Variants in EMILIN3 observed in about 807,000 individuals in gnomAD.
The protein encoded by EMILIN3 is elastin microfibril interfacer 3, also known as EMILIN-3.
Under a neutral mutation model 42.8 loss-of-function variants are expected in EMILIN3, and 38 were observed. The ratio of observed to expected loss-of-function variants is 0.89; its 90% CI spans 0.69 to 1.16. EMILIN3 has a LOEUF of 1.16. Ranked by LOEUF, EMILIN3 falls within the 50% of genes most tolerant of loss-of-function variation. EMILIN3 has a pLI of 0.00. For missense variants in EMILIN3, 924 were observed against 999.5 expected (o/e 0.92, Z 1.02); for synonymous variants, 430 against 440.5 (o/e 0.98, Z 0.30).
At chr20:41,364,155 C>T (rs2046382385) in intron 2 of EMILIN3, among the ~76,000 whole-genome samples, 1 of 152,074 alleles carries the variant, frequency 6.6e-6, no homozygotes, top group Admixed American at 6.5e-5. Flanking sequence ...CCACTTGGAC[C>T]CCCTCTAGCT....
rs141515546 is a variant in EMILIN3 at position 41,361,184 on chromosome 20, G to A, written c.*84C>T. On this transcript the variant is annotated 3_prime_UTR_variant, in exon 4 of 4. Coordinates refer to ENST00000332312, the MANE Select transcript of EMILIN3 (RefSeq NM_052846.2). Reference sequence around the variant, plus strand: ...CATTTGGGCTAGCCAGGGAAGGCTGGAAGGCGCTGCTGGATAAGGCTGGGC... The same window carrying A: ...CATTTGGGCTAGCCAGGGAAGGCTGAAAGGCGCTGCTGGATAAGGCTGGGC... The A allele has an allele frequency of 6.7e-6, 9 of 1,350,438 alleles. No individual in the cohort carries two copies. The African/African-American group carries it at 1.3e-4, about 20-fold the overall frequency. The allele number at this position is 1,350,438 out of a possible 1,614,324, so 83.7% of individuals were successfully genotyped here. A position where few individuals can be genotyped will look rare whatever the true frequency, so the allele number is the denominator to read the frequency against.
chr20:41,361,942 G>A lies in EMILIN3; in HGVS notation c.1627C>T (p.Arg543Trp), dbSNP rs139770210. Residue 543 changes from arginine (R) to tryptophan (W), a missense_variant, in exon 4 of 4, where the codon CGG becomes TGG. Physicochemically the swap from Arg to Trp is moderately radical, Grantham distance 101 (BLOSUM62 -3). Transcript: ENST00000332312. ...ACCTGGCGTAGGAGGGCCTCGCTCC[G>A]GCTCTGCCAGGCCTTCACCTCTGCC... is the stretch of plus-strand genomic sequence containing the variant. ...LVAEVKAWQS[R>W]SEALLRQVAS... The A allele has an allele frequency of 3.7e-5, 59 of 1,612,678 alleles. No homozygotes were observed. Among genetic ancestry groups the A allele is most frequent in the East Asian group, 1.8e-4 (8 of 44,860 alleles).
chr20:41,361,449 G>A lies in EMILIN3; in HGVS notation c.2120C>T (p.Ala707Val). Reference sequence around the variant, plus strand: ...AGTGGGCAAGCTGTCCAGGCCCGCGGCCAGCAGGCCCAGCCTCCTGCACGC... The same window carrying A: ...AGTGGGCAAGCTGTCCAGGCCCGCGACCAGCAGGCCCAGCCTCCTGCACGC... ...EGACRRLGLL[A>V]AGLDSLPTEP... is the part of the protein sequence containing the mutation. The change falls in exon 4 of 4, where the codon GCC (alanine) becomes GTC (valine). Residue 707 changes from alanine to valine, a missense_variant. Coordinates refer to ENST00000332312, the MANE Select transcript of EMILIN3 (RefSeq NM_052846.2). 6.2e-7 allele frequency: 1 copy of A among 1,606,376 alleles called. No individual in the cohort carries two copies. The highest frequency in any genetic ancestry group is 8.5e-7 in the Non-Finnish European group (1 of 1,175,550).
rs1209905535 is a variant in EMILIN3, at chr20:41,361,843, T to A, written c.1726A>T (p.Thr576Ser). ...AEVQGQLAEG[T>S]GSSLQGEITL... Reference sequence around the variant, plus strand: ...ATCTCGCCTTGAAGTGAGCTGCCCGTCCCTTCTGCCAGCTGTCCCTGGACC... The same window carrying A: ...ATCTCGCCTTGAAGTGAGCTGCCCGACCCTTCTGCCAGCTGTCCCTGGACC... Residue 576 changes from threonine to serine, a missense_variant, in exon 4 of 4, where the codon ACG (threonine) becomes TCG (serine). Transcript: ENST00000332312. The A allele has an allele frequency of 1.9e-6, 3 of 1,613,534 alleles. No individual in the cohort carries two copies. The highest frequency in any genetic ancestry group is 2.5e-6 in the Non-Finnish European group (3 of 1,180,036).
chr20:41,361,741 C>T lies in EMILIN3; in HGVS notation c.1828G>A (p.Asp610Asn). 1 of 1,613,552 alleles carries T rather than the reference C, an allele frequency of 6.2e-7. No individual in the cohort carries two copies. ...GACGTGTTGGCAGCCAAGAAGGCAT[C>T]AGAGTACTGGCTGACAGAGTCACTG... ...GLSDSVSQYS[D>N]AFLAANTSLD... Residue 610 changes from aspartate (D) to asparagine (N), a missense_variant, in exon 4 of 4, where the codon GAT becomes AAT. Transcript: ENST00000332312.
Position 41,361,622 on chromosome 20 carries a change from C to T in EMILIN3, c.1947G>A (p.Arg649=). The T allele has an allele frequency of 6.2e-7, 1 of 1,609,362 alleles. No individual in the cohort carries two copies. The highest frequency in any genetic ancestry group is 8.5e-7 in the Non-Finnish European group (1 of 1,178,806). The change falls in exon 4 of 4, where the codon AGG becomes AGA. Residue 649 remains arginine, a synonymous_variant. Transcript: ENST00000332312. ...SQGSRLQAGH[R]QVLNLRGELE... ...GCTCCCCACGCAGGTTCAGGACCTGCCTGTGGCCAGCCTGAAGCCTGGAGC... is the reference window on the plus strand; with the variant it reads ...GCTCCCCACGCAGGTTCAGGACCTGTCTGTGGCCAGCCTGAAGCCTGGAGC...
In EMILIN3 at chr20:41,362,874, C is replaced by T; in HGVS notation, c.695G>A (p.Gly232Glu). Residue 232 changes from glycine (G) to glutamate (E), a missense_variant, in exon 4 of 4, where the codon GGG (glycine) becomes GAG (glutamate). Physicochemically the swap from Gly to Glu is moderately conservative, Grantham distance 98. Coordinates refer to ENST00000332312, the MANE Select transcript of EMILIN3 (RefSeq NM_052846.2). ...GGCTCTGTCTCCTGGGCCCACAAGC[C>T]CCTCAGGGATGACCCCAAAGCCCAC... ...VPVGFGVIPE[G>E]LVGPGDRARG... is the part of the protein sequence containing the mutation. 2.5e-6 allele frequency: 4 copies of T among 1,613,538 alleles called. No individual in the cohort carries two copies. Among genetic ancestry groups the T allele is most frequent in the Non-Finnish European group, 3.4e-6 (4 of 1,179,578 alleles).
chr20:41,362,994 C>T lies in EMILIN3; in HGVS notation c.575G>A (p.Arg192His), dbSNP rs139057198. 1.0e-4 allele frequency: 161 copies of T among 1,610,290 alleles called. 3 individuals carry two copies. The highest frequency in any genetic ancestry group is 8.9e-4 in the South Asian group (81 of 90,960). ...RLERLEGDVQ[R>H]LAQTYGTLSG... ...GAGGGTACCATATGTTTGAGCCAGG[C>T]GCTGGACATCACCCTCCAGGCGTTC... The change falls in exon 4 of 4, where the codon CGC (arginine) becomes CAC (histidine). Residue 192 changes from arginine (R) to histidine (H), a missense_variant. Transcript: ENST00000332312.
At position 41,366,722 on chromosome 20, in the gene EMILIN3, G is replaced by T; in HGVS notation, c.-88C>A. 1 of 899,724 alleles carries T rather than the reference G, an allele frequency of 1.1e-6. No homozygotes were observed. The highest frequency in any genetic ancestry group is 1.8e-5 in the African/African-American group (1 of 55,222). The allele number at this position is 899,724 out of a possible 1,614,324, so 55.7% of individuals were successfully genotyped here. A position where few individuals can be genotyped will look rare whatever the true frequency, so the allele number is the denominator to read the frequency against. ...GCCGCGCCGCCCCCGCCGCTGGTCG[G>T]CCCGGGTCCCGCCCCGAGGGTCCCG... is the stretch of plus-strand genomic sequence containing the variant. On this transcript the variant is annotated 5_prime_UTR_variant, in exon 1 of 4. Transcript: ENST00000332312. The surrounding 1 kb of genome is among the most constrained non-coding windows in gnomAD (Gnocchi z 4.2).
chr20:41,366,701 C>A lies in EMILIN3; in HGVS notation c.-67G>T. Reference sequence around the variant, plus strand: ...CGCCGGGTGTCCGCCTGCAGCGCCGCGCCGCCCCCGCCGCTGGTCGGCCCG... The same window carrying A: ...CGCCGGGTGTCCGCCTGCAGCGCCGAGCCGCCCCCGCCGCTGGTCGGCCCG... On this transcript the variant is annotated 5_prime_UTR_variant, in exon 1 of 4. Transcript: ENST00000332312. The surrounding 1 kb of genome is among the most constrained non-coding windows in gnomAD (Gnocchi z 4.2). 1 of 946,670 alleles carries A rather than the reference C, an allele frequency of 1.1e-6. No individual in the cohort carries two copies. The highest frequency in any genetic ancestry group is 4.8e-5 in the South Asian group (1 of 20,856). The allele number at this position is 946,670 out of a possible 1,614,324, so 58.6% of individuals were successfully genotyped here.
Position 41,361,517 on chromosome 20 carries a change from G to A in EMILIN3, c.2052C>T (p.His684=). 3 of 1,612,938 alleles carry A rather than the reference G, an allele frequency of 1.9e-6. No individual in the cohort carries two copies. The highest frequency in any genetic ancestry group is 2.5e-6 in the Non-Finnish European group (3 of 1,179,726). The stretch of plus-strand genomic sequence containing the variant: ...CCCGCTGGTCAAAGTGTCCCACTGT[G>A]TGCTGAAGTTTCTGGGCTGTGTCCT... ...RCQDTAQKLQ[H]TVGHFDQRVA... is the part of the protein sequence containing the mutation. The change falls in exon 4 of 4, where the codon CAC becomes CAT. Residue 684 remains histidine, a synonymous_variant. Coordinates refer to ENST00000332312, the MANE Select transcript of EMILIN3 (RefSeq NM_052846.2).
At chr20:41,363,377 G>T (rs1158413573) in intron 3 of EMILIN3, among the ~76,000 whole-genome samples, 1 of 152,050 alleles carries the variant, frequency 6.6e-6, no homozygotes, top group South Asian at 2.1e-4. Flanking sequence ...TCCTAACCTC[G>T]TGATCCACCC....
intron 2 of EMILIN3, 62 bp from the exon 3 acceptor site, chr20:41,363,923 C>G (rs2046381220): frequency 6.5e-7 from 1 of 1,548,536 alleles, no homozygotes; most frequent in African/African-American, 1.4e-5. Flanking sequence ...CTCCCCCTAG[C>G]TGGCACTCAG....
At position 41,361,840 on chromosome 20, in the gene EMILIN3, C is replaced by G. The variant is rs1323235436; in HGVS notation, c.1729G>C (p.Gly577Arg). Residue 577 changes from glycine (G) to arginine (R), a missense_variant, in exon 4 of 4, where the codon GGC (glycine) becomes CGC (arginine). Coordinates refer to ENST00000332312, the MANE Select transcript of EMILIN3 (RefSeq NM_052846.2). ...EVQGQLAEGT[G>R]SSLQGEITLL... The stretch of plus-strand genomic sequence containing the variant: ...GTGATCTCGCCTTGAAGTGAGCTGC[C>G]CGTCCCTTCTGCCAGCTGTCCCTGG... The G allele has an allele frequency of 6.2e-7, 1 of 1,613,446 alleles. No individual in the cohort carries two copies. Among genetic ancestry groups the G allele is most frequent in the African/African-American group, 1.3e-5 (1 of 74,958 alleles).
chr20:41,363,943 C>T, intron 2 of EMILIN3, 82 bp from the exon 3 acceptor site: 1 of 1,331,972 alleles, frequency 7.5e-7, no homozygotes, highest in South Asian at 1.3e-5. Context: ...GGGCCGCCCT[C>T]AGACACTTGC....
chr20:41,364,526 A>T (rs1159131919), intron 2 of EMILIN3, among the ~76,000 whole-genome samples: 2 of 151,900 alleles, frequency 1.3e-5, no homozygotes, highest in Admixed American at 1.3e-4. Flanking sequence ...GTTTCCACAC[A>T]CACACGTGAA....
Position 41,363,658 on chromosome 20 carries a change from C to G in EMILIN3, c.494G>C (p.Arg165Thr), listed in dbSNP as rs763462021. ...DPGPRPPSYS[R>T]AAPSPHGRKG... is the part of the protein sequence containing the mutation. ...CTCACCATGAGGGCTGGGGGCTGCT[C>G]TGCTGTAGGAAGGGGGCCTGGGGCC... is the stretch of plus-strand genomic sequence containing the variant. The change falls in exon 3 of 4, where the codon AGA becomes ACA. Residue 165 changes from arginine to threonine, a missense_variant. Coordinates refer to ENST00000332312, the MANE Select transcript of EMILIN3 (RefSeq NM_052846.2). 6.2e-7 allele frequency: 1 copy of G among 1,612,058 alleles called. No individual in the cohort carries two copies. The highest frequency in any genetic ancestry group is 1.1e-5 in the South Asian group (1 of 91,016).
At chr20:41,363,422 T>G (rs1338026471) in intron 3 of EMILIN3, among the ~76,000 whole-genome samples, 2 of 152,226 alleles carry the variant, frequency 1.3e-5, no homozygotes, top group African/African-American at 4.8e-5. Context: ...ATTACAGGCA[T>G]GAGCCACCGC....
intron 2 of EMILIN3, among the ~76,000 whole-genome samples, chr20:41,364,320 C>T (rs2046383143): frequency 1.3e-5 from 2 of 151,748 alleles, no homozygotes; most frequent in South Asian, 4.2e-4. Context: ...CTCCTACCTG[C>T]TCCCCTTAGT....
Sources: allele counts gnomAD v4.1 joint callset (sites outside exome capture counted in the v4.1 genomes callset), GRCh38; gene constraint gnomAD v4.1.1; non-coding constraint Gnocchi (gnomAD v3.1); transcripts MANE v1.5; gene names NCBI Gene and HGNC (gene_info 2026-07-23, HGNC 2026-07-21).